The following ENOX1 variants were observed in gnomAD, a reference collection of about 807,000 sequenced individuals.
The protein encoded by ENOX1 is candidate growth-related and time keeping constitutive hydroquinone (NADH) oxidase.
ENOX1 carries 42 observed loss-of-function variants against 82.5 expected under a neutral mutation model. That is an observed-to-expected ratio of 0.51 (90% confidence interval 0.40 to 0.66). ENOX1 has a LOEUF of 0.66. Among genes scored for constraint, ENOX1 ranks in the 30% least tolerant of loss-of-function variants. The pLI, the probability that ENOX1 is intolerant of heterozygous loss-of-function variation, is 0.00. For missense variants in ENOX1, 608 were observed against 811.6 expected (o/e 0.75, Z 3.05); for synonymous variants, 271 against 282.2 (o/e 0.96, Z 0.40).
chr13:43,412,803 A>G (rs773403424), intron 4 of ENOX1, 42 bp downstream of exon 4: 2 of 1,610,044 alleles, frequency 1.2e-6, no homozygotes, highest in Non-Finnish European at 1.7e-6. Flanking sequence ...TAAGAACTCA[A>G]AAAATCCTTG....
At chr13:43,718,100 T>C (rs2088278153) in intron 1 of ENOX1, among the ~76,000 whole-genome samples, 1 of 152,188 alleles carries the variant, frequency 6.6e-6, no homozygotes, top group Admixed American at 6.5e-5. Context: ...ATTGCAACAC[T>C]ATTCACAATA....
At chr13:43,354,434 G>C (rs1256839979) in intron 8 of ENOX1, among the ~76,000 whole-genome samples, 2 of 151,504 alleles carry the variant, frequency 1.3e-5, no homozygotes, top group Middle Eastern at 7.0e-3. Context: ...CTGGATGGGG[G>C]ATGAAGATTG....
chr13:43,478,616 T>C (rs2058387213), intron 3 of ENOX1, among the ~76,000 whole-genome samples: 1 of 152,190 alleles, frequency 6.6e-6, no homozygotes, highest in African/African-American at 2.4e-5. Flanking sequence ...CATCTTATCA[T>C]GTAGTATTCC....
intron 3 of ENOX1, among the ~76,000 whole-genome samples, chr13:43,418,754 A>G (rs2054792070): frequency 6.6e-6 from 1 of 152,240 alleles, no homozygotes; most frequent in African/African-American, 2.4e-5. Context: ...TTTGGCCTTA[A>G]CAGATATCTA....
intron 2 of ENOX1, among the ~76,000 whole-genome samples, chr13:43,507,966 T>C (rs2077231604): frequency 6.6e-6 from 1 of 152,030 alleles, no homozygotes; most frequent in Non-Finnish European, 1.5e-5. Context: ...CTAACAATAT[T>C]ACAACTAGAG....
chr13:43,537,375 A>G (rs1265558419), intron 2 of ENOX1, among the ~76,000 whole-genome samples: 3 of 152,200 alleles, frequency 2.0e-5, no homozygotes, highest in Non-Finnish European at 4.4e-5. Flanking sequence ...ATTAGTGGTA[A>G]ATAAGAGGCC....
chr13:43,285,826 A>AT (rs1402242252), intron 12 of ENOX1, among the ~76,000 whole-genome samples: 1 of 151,296 alleles, frequency 6.6e-6, no homozygotes, highest in Non-Finnish European at 1.5e-5. Context: ...AAAAAAAAAA[A>AT]AAAAAAGAGG....
chr13:43,493,958 C>T (rs942572115), intron 2 of ENOX1, among the ~76,000 whole-genome samples: 2 of 152,154 alleles, frequency 1.3e-5, no homozygotes, highest in East Asian at 3.9e-4. Flanking sequence ...AAAGGGGAAG[C>T]AAGGCATCTT....
intron 2 of ENOX1, among the ~76,000 whole-genome samples, chr13:43,626,804 T>C (rs2153749024): frequency 6.6e-6 from 1 of 152,074 alleles, no homozygotes; most frequent in South Asian, 2.1e-4. Context: ...AATTTGATCC[T>C]ATTAGTTGAT....
intron 2 of ENOX1, among the ~76,000 whole-genome samples, chr13:43,661,408 C>G (rs1019810493): frequency 6.6e-6 from 1 of 152,084 alleles, no homozygotes; most frequent in African/African-American, 2.4e-5. Context: ...AGACGGGTGT[C>G]TGGACAAGTC....
At chr13:43,311,394 A>G (rs1254941152) in intron 11 of ENOX1, among the ~76,000 whole-genome samples, 3 of 151,930 alleles carry the variant, frequency 2.0e-5, no homozygotes, top group African/African-American at 7.3e-5. Context: ...TGAAAAAAAT[A>G]TCCCCCAACA....
chr13:43,534,551 G>A (rs2078371844), intron 2 of ENOX1, among the ~76,000 whole-genome samples: 1 of 152,186 alleles, frequency 6.6e-6, no homozygotes. Context: ...GACGGTAGGT[G>A]TACCTAGGCT....
chr13:43,661,582 A>T (rs917687230), intron 2 of ENOX1, among the ~76,000 whole-genome samples: 2 of 152,302 alleles, frequency 1.3e-5, no homozygotes, highest in African/African-American at 4.8e-5. Context: ...TGTATAGGGC[A>T]GGAAGTCTGG....
intron 1 of ENOX1, among the ~76,000 whole-genome samples, chr13:43,678,287 A>G (rs1352917736): frequency 6.6e-6 from 1 of 152,150 alleles, no homozygotes; most frequent in Non-Finnish European, 1.5e-5. Context: ...CCTCAAATAT[A>G]AAAAATATGA....
intron 3 of ENOX1, among the ~76,000 whole-genome samples, chr13:43,470,220 G>GTGTA (rs1566304291): frequency 1.4e-3 from 131 of 93,544 alleles, no homozygotes; most frequent in African/African-American, 4.2e-3. Flanking sequence ...ATATATATGT[G>GTGTA]TGTGTATGTG....
intron 3 of ENOX1, among the ~76,000 whole-genome samples, chr13:43,425,012 G>A (rs1457195841): frequency 6.6e-6 from 1 of 152,148 alleles, no homozygotes; most frequent in African/African-American, 2.4e-5. Context: ...AGATTTAAAT[G>A]AAGGTGCTCA....
At chr13:43,565,851 C>T (rs1377924948) in intron 2 of ENOX1, among the ~76,000 whole-genome samples, 1 of 152,052 alleles carries the variant, frequency 6.6e-6, no homozygotes, top group Non-Finnish European at 1.5e-5. Flanking sequence ...AGCAAAAACC[C>T]CACCATGCCA....
chr13:43,331,446 A>G (rs1319898628), intron 9 of ENOX1, among the ~76,000 whole-genome samples: 1 of 152,164 alleles, frequency 6.6e-6, no homozygotes, highest in East Asian at 1.9e-4. Flanking sequence ...TTGTTTTTTA[A>G]TGCTATCTGG....
intron 8 of ENOX1, among the ~76,000 whole-genome samples, chr13:43,344,962 C>A (rs2049292394): frequency 6.6e-6 from 1 of 152,172 alleles, no homozygotes; most frequent in South Asian, 2.1e-4. Flanking sequence ...TCAGGAGGTT[C>A]ACACTCTCAT....
Sources: gnomAD v4.1 joint callset for allele counts (sites outside exome capture counted in the v4.1 genomes callset) on GRCh38, gnomAD v4.1.1 for gene constraint, MANE v1.5 for transcripts, NCBI Gene and HGNC (gene_info 2026-07-23, HGNC 2026-07-21) for gene names.